PITPNC1: variants seen among roughly 807,000 people sequenced by gnomAD.
The protein encoded by PITPNC1 is phosphatidylinositol transfer protein cytoplasmic 1.
PITPNC1 carries 18 observed loss-of-function variants against 44.7 expected under a neutral mutation model. The observed-to-expected ratio is 0.40, with a 90% CI of 0.28 to 0.60. The LOEUF is 0.60. Among genes scored for constraint, PITPNC1 ranks in the 20% least tolerant of loss-of-function variants. The pLI, the probability that PITPNC1 is intolerant of heterozygous loss-of-function variation, is 0.39. For synonymous variants in PITPNC1, 141 were observed against 149.6 expected, an observed-to-expected ratio of 0.94 and a Z score of 0.42; for missense variants, 290 against 418.4, an observed-to-expected ratio of 0.69 and a Z score of 2.68.
At chr17:67,639,696 C>T (rs12951280) in intron 6 of PITPNC1, among the ~76,000 whole-genome samples, 1 of 152,222 alleles carries the variant, frequency 6.6e-6, no homozygotes, top group African/African-American at 2.4e-5. Flanking sequence ...AACTCCTTGG[C>T]AGCCAGTTCA....
intron 5 of PITPNC1, among the ~76,000 whole-genome samples, chr17:67,631,666 A>ATT (rs2041973179): frequency 1.3e-5 from 1 of 77,288 alleles, no homozygotes; most frequent in East Asian, 2.8e-4. Context: ...AAATATATAT[A>ATT]TATATAAAAT....
At chr17:67,483,816 A>G (rs2039736257) in intron 1 of PITPNC1, among the ~76,000 whole-genome samples, 1 of 152,154 alleles carries the variant, frequency 6.6e-6, no homozygotes, top group Admixed American at 6.6e-5. Context: ...TTCAAAATAC[A>G]GCTTCGTTTA....
At chr17:67,550,937 T>C (rs2040753689) in intron 2 of PITPNC1, among the ~76,000 whole-genome samples, 2 of 152,106 alleles carry the variant, frequency 1.3e-5, no homozygotes, top group Non-Finnish European at 2.9e-5. Flanking sequence ...GGCTGGCGCC[T>C]GTAGTCCCAG....
intron 1 of PITPNC1, among the ~76,000 whole-genome samples, chr17:67,394,247 T>G (rs2038181656): frequency 6.6e-6 from 1 of 152,174 alleles, no homozygotes; most frequent in Admixed American, 6.6e-5. Flanking sequence ...CAGGCTGGTC[T>G]CAAACTCCTA....
chr17:67,451,645 TTG>T (rs1187307155), intron 1 of PITPNC1, among the ~76,000 whole-genome samples: 7 of 151,864 alleles, frequency 4.6e-5, no homozygotes, highest in African/African-American at 1.5e-4. Flanking sequence ...TTTTTTTGTT[TTG>T]TTTTTTTTTG....
At chr17:67,620,888 C>T (rs1056821643) in intron 5 of PITPNC1, among the ~76,000 whole-genome samples, 5 of 152,150 alleles carry the variant, frequency 3.3e-5, no homozygotes, top group African/African-American at 9.7e-5. Context: ...AAGGTCAGTA[C>T]GGGAGTGGAT....
chr17:67,584,836 C>G (rs1402781961), intron 5 of PITPNC1, among the ~76,000 whole-genome samples: 1 of 150,850 alleles, frequency 6.6e-6, no homozygotes, highest in Non-Finnish European at 1.5e-5. Context: ...CCCTCCAGGC[C>G]GGTTGCAGTG....
chr17:67,616,687 C>T (rs2041761616), intron 5 of PITPNC1, among the ~76,000 whole-genome samples: 1 of 152,070 alleles, frequency 6.6e-6, no homozygotes, highest in Non-Finnish European at 1.5e-5. Context: ...AGACACAAAC[C>T]CTGGAATAAA....
At chr17:67,582,220 T>C (rs1318789628) in intron 5 of PITPNC1, among the ~76,000 whole-genome samples, 1 of 152,144 alleles carries the variant, frequency 6.6e-6, no homozygotes, top group Non-Finnish European at 1.5e-5. Flanking sequence ...GTGTGCTCTT[T>C]TTCTGTCCTG....
At chr17:67,478,723 T>C (rs1330523432) in intron 1 of PITPNC1, among the ~76,000 whole-genome samples, 2 of 151,858 alleles carry the variant, frequency 1.3e-5, no homozygotes, top group African/African-American at 4.8e-5. Flanking sequence ...TCCGCAAGCG[T>C]TGGGAGGTCT....
At chr17:67,495,069 T>G (rs1777502153) in intron 1 of PITPNC1, among the ~76,000 whole-genome samples, 1 of 105,584 alleles carries the variant, frequency 9.5e-6, no homozygotes, top group African/African-American at 3.7e-5. Flanking sequence ...TTTTTTTTTT[T>G]TTTTTGAGAC....
intron 8 of PITPNC1, among the ~76,000 whole-genome samples, chr17:67,684,195 T>C (rs941794094): frequency 1.3e-5 from 2 of 148,710 alleles, no homozygotes; most frequent in African/African-American, 5.0e-5. Context: ...CACTGCAGCC[T>C]CCGTCTCCCA....
intron 1 of PITPNC1, among the ~76,000 whole-genome samples, chr17:67,510,355 T>C (rs990370677): frequency 6.6e-6 from 1 of 152,216 alleles, no homozygotes; most frequent in African/African-American, 2.4e-5. Context: ...GAACCTGCCT[T>C]GTCACTAATC....
At chr17:67,677,849 C>T (rs981160578) in intron 8 of PITPNC1, among the ~76,000 whole-genome samples, 4 of 151,680 alleles carry the variant, frequency 2.6e-5, no homozygotes, top group Non-Finnish European at 5.9e-5. Flanking sequence ...GGATTACAGG[C>T]ATGAGCCACT....
At chr17:67,555,690 AAAAG>A (rs1477577764) in intron 4 of PITPNC1, among the ~76,000 whole-genome samples, 3,832 of 84,204 alleles carry the variant, frequency 0.046, 73 homozygotes, top group Non-Finnish European at 0.086. Flanking sequence ...AAAAAAAAAA[AAAAG>A]GTAGTTGGGT....
chr17:67,543,692 A>G (rs945087172), intron 2 of PITPNC1, among the ~76,000 whole-genome samples: 1 of 152,142 alleles, frequency 6.6e-6, no homozygotes, highest in Non-Finnish European at 1.5e-5. Flanking sequence ...CTTTTAATAC[A>G]TGCCTCTCAT....
At chr17:67,583,648 C>T (rs1232817925) in intron 5 of PITPNC1, among the ~76,000 whole-genome samples, 2 of 150,610 alleles carry the variant, frequency 1.3e-5, no homozygotes, top group Non-Finnish European at 3.0e-5. Flanking sequence ...CTGTCCCAGC[C>T]CTGGGGATTC....
At chr17:67,441,040 T>G (rs2039005423) in intron 1 of PITPNC1, among the ~76,000 whole-genome samples, 1 of 152,080 alleles carries the variant, frequency 6.6e-6, no homozygotes, top group African/African-American at 2.4e-5. Flanking sequence ...TCTGTCAGGG[T>G]TAACCTGGCT....
intron 1 of PITPNC1, among the ~76,000 whole-genome samples, chr17:67,468,891 G>T (rs564161872): frequency 1.3e-5 from 2 of 152,170 alleles, no homozygotes; most frequent in Admixed American, 1.3e-4. Context: ...ACCACGCCTG[G>T]CTAATTTTTG....
Sources: allele counts gnomAD v4.1 joint callset (sites outside exome capture counted in the v4.1 genomes callset), GRCh38; gene constraint gnomAD v4.1.1; transcripts MANE v1.5; gene names NCBI Gene and HGNC (gene_info 2026-07-23, HGNC 2026-07-21).